Variants in SNX29 observed in about 807,000 individuals in gnomAD.
SNX29 encodes the protein sorting nexin 29.
Under a neutral mutation model 102.1 loss-of-function variants are expected in SNX29, and 78 were observed. The observed-to-expected ratio is 0.76, with a 90% CI of 0.64 to 0.92. SNX29 has a LOEUF of 0.92. Among genes scored for constraint, SNX29 ranks in the 40% least tolerant of loss-of-function variants. SNX29 has a pLI of 0.00. For synonymous variants in SNX29, 580 were observed against 414.5 expected, an observed-to-expected ratio of 1.40 and a Z score of -4.85; for missense variants, 1,280 against 1,061.7, an observed-to-expected ratio of 1.21 and a Z score of -2.86.
chr16:12,393,908 C>G (rs953610828), intron 16 of SNX29, among the ~76,000 whole-genome samples: 2 of 152,170 alleles, frequency 1.3e-5, no homozygotes, highest in Non-Finnish European at 2.9e-5. Flanking sequence ...AAGGAAGAAA[C>G]CAAGGTTTAC....
intron 18 of SNX29, among the ~76,000 whole-genome samples, chr16:12,455,079 C>T (rs368127239): frequency 7.9e-5 from 12 of 152,164 alleles, no homozygotes; most frequent in African/African-American, 2.4e-4. Flanking sequence ...ACTTGGGAAC[C>T]ATTGCTCTGG....
intron 18 of SNX29, among the ~76,000 whole-genome samples, chr16:12,459,251 C>G (rs1481765197): frequency 2.0e-5 from 3 of 151,352 alleles, no homozygotes; most frequent in Non-Finnish European, 4.4e-5. Flanking sequence ...GTGGGGCTCA[C>G]CAGCAGCTCT....
At chr16:12,563,154 G>C (rs775065327) in intron 20 of SNX29, among the ~76,000 whole-genome samples, 3 of 151,934 alleles carry the variant, frequency 2.0e-5, no homozygotes, top group Admixed American at 6.6e-5. Context: ...CCAGCTCCAG[G>C]GGGGGCAACT....
At chr16:12,314,964 G>A (rs72786351) in intron 15 of SNX29, among the ~76,000 whole-genome samples, 1,849 of 152,266 alleles carry the variant, frequency 0.012, 22 homozygotes, top group Non-Finnish European at 0.016. Context: ...TAATGGATGT[G>A]GTATTAGCAA....
chr16:11,980,315 T>C (rs2055386742), intron 1 of SNX29, among the ~76,000 whole-genome samples: 1 of 152,212 alleles, frequency 6.6e-6, no homozygotes, highest in Admixed American at 6.6e-5. Flanking sequence ...TTCCTGAGGT[T>C]AAACCACATT....
At chr16:12,414,802 A>T (rs7187707) in intron 18 of SNX29, among the ~76,000 whole-genome samples, 17,991 of 152,184 alleles carry the variant, frequency 0.12, 1,152 homozygotes, top group Middle Eastern at 0.19. Context: ...GCTTATAGCA[A>T]CCTTCGCCTC....
chr16:12,319,266 G>A (rs1233851030), intron 15 of SNX29, among the ~76,000 whole-genome samples: 1 of 152,168 alleles, frequency 6.6e-6, no homozygotes, highest in Non-Finnish European at 1.5e-5. Flanking sequence ...CACAATCCCA[G>A]CACTGTGGGA....
At position 12,572,056 on chromosome 16, in the gene SNX29, A is replaced by C; in HGVS notation, c.*3427A>C. ...CATCCAGTGGAGTTGTAAACAAGGG[A>C]ACCATCTTGCAAGATCTAGGAAGAG... is the stretch of plus-strand genomic sequence containing the variant. On this transcript the variant is annotated 3_prime_UTR_variant, in exon 21 of 21. Transcript: ENST00000566228. 9.4e-7 allele frequency: 1 copy of C among 1,063,440 alleles called. No homozygotes were observed. The highest frequency in any genetic ancestry group is 1.1e-6 in the Non-Finnish European group (1 of 878,112). 65.9% of individuals were successfully genotyped at this position (1,063,440 alleles called of 1,614,324 possible). A position where few individuals can be genotyped will look rare whatever the true frequency, so the allele number is the denominator to read the frequency against.
intron 11 of SNX29, among the ~76,000 whole-genome samples, chr16:12,126,118 C>T (rs1295007835): frequency 6.6e-6 from 1 of 152,176 alleles, no homozygotes; most frequent in East Asian, 1.9e-4. Context: ...AGTAAATCCC[C>T]TAACTCTTGA....
chr16:12,319,791 C>T (rs889846874), intron 15 of SNX29, among the ~76,000 whole-genome samples: 2 of 152,310 alleles, frequency 1.3e-5, no homozygotes, highest in East Asian at 3.9e-4. Flanking sequence ...GTCAGTATCA[C>T]TGCAGCTTTG....
chr16:12,565,668 T>A (rs960630467), intron 20 of SNX29, among the ~76,000 whole-genome samples: 1 of 152,162 alleles, frequency 6.6e-6, no homozygotes, highest in Admixed American at 6.5e-5. Context: ...TCAGTGCACG[T>A]CCCGAGCTAA....
At position 12,573,438 on chromosome 16, in the gene SNX29, A is replaced by G. The variant is rs998621601; in HGVS notation, c.*4809A>G. On this transcript the variant is annotated 3_prime_UTR_variant, in exon 21 of 21. Coordinates refer to ENST00000566228, the MANE Select transcript of SNX29 (RefSeq NM_032167.5). ...AAAGAAATCTGGCTTCCTTAATAAGATAGTTGAGCCTATGACATTAAGGAG... is the reference window on the plus strand; with the variant it reads ...AAAGAAATCTGGCTTCCTTAATAAGGTAGTTGAGCCTATGACATTAAGGAG... 8.0e-5 allele frequency: 18 copies of G among 224,116 alleles called. No homozygotes were observed. Among genetic ancestry groups the G allele is most frequent in the Middle Eastern group, 1.3e-3 (1 of 744 alleles). The allele number at this position is 224,116 out of a possible 1,614,324, so 13.9% of individuals were successfully genotyped here.
At chr16:12,474,414 G>T (rs2087496274) in intron 18 of SNX29, among the ~76,000 whole-genome samples, 1 of 152,128 alleles carries the variant, frequency 6.6e-6, no homozygotes, top group Non-Finnish European at 1.5e-5. Context: ...TGGAGTCATT[G>T]GCCTAAACAT....
intron 9 of SNX29, among the ~76,000 whole-genome samples, chr16:12,066,959 A>T (rs1436018185): frequency 6.6e-6 from 1 of 151,418 alleles, no homozygotes; most frequent in African/African-American, 2.4e-5. Flanking sequence ...GGTCTGGGCA[A>T]CATAGTGAGA....
chr16:12,567,541 T>G (rs950454264), intron 20 of SNX29, among the ~76,000 whole-genome samples: 1 of 151,966 alleles, frequency 6.6e-6, no homozygotes, highest in Non-Finnish European at 1.5e-5. Context: ...TCCCAGCACT[T>G]TAGGAGGCTG....
intron 15 of SNX29, among the ~76,000 whole-genome samples, chr16:12,285,823 A>G (rs1361987860): frequency 6.6e-6 from 1 of 152,218 alleles, no homozygotes; most frequent in Admixed American, 6.5e-5. Context: ...ACTGATACTC[A>G]AAATGAAAGG....
chr16:12,196,660 T>C (rs1219066695), intron 13 of SNX29, among the ~76,000 whole-genome samples: 6 of 150,694 alleles, frequency 4.0e-5, no homozygotes, highest in African/African-American at 1.2e-4. Flanking sequence ...CTCACTCTGT[T>C]GCGAGGCTGG....
intron 18 of SNX29, among the ~76,000 whole-genome samples, chr16:12,449,100 C>T (rs1371347521): frequency 6.6e-6 from 1 of 152,024 alleles, no homozygotes; most frequent in Non-Finnish European, 1.5e-5. Flanking sequence ...AGACATAGCT[C>T]CTTACCCTCA....
In SNX29 at chr16:12,571,078, C is replaced by T. The variant is rs1010153819; in HGVS notation, c.*2449C>T. 1 of 232,674 alleles carries T rather than the reference C, an allele frequency of 4.3e-6. No individual in the cohort carries two copies. Among genetic ancestry groups the T allele is most frequent in the Non-Finnish European group, 8.5e-6 (1 of 117,696 alleles). The allele number at this position is 232,674 out of a possible 1,614,324, so 14.4% of individuals were successfully genotyped here. On this transcript the variant is annotated 3_prime_UTR_variant, in exon 21 of 21. Transcript: ENST00000566228. ...AAAAATGCTGGTGGCCCGCACATGA[C>T]AGCAACTCCCCGAAGCCTTCCCTTT...
Sources: allele counts gnomAD v4.1 joint callset (sites outside exome capture counted in the v4.1 genomes callset), GRCh38; gene constraint gnomAD v4.1.1; transcripts MANE v1.5; gene names NCBI Gene and HGNC (gene_info 2026-07-23, HGNC 2026-07-21).